The following ADARB1 variants were observed in gnomAD, a reference collection of about 807,000 sequenced individuals.
The protein encoded by ADARB1 is double-stranded RNA-specific editase 1.
Under a neutral mutation model 52.4 loss-of-function variants are expected in ADARB1, and 10 were observed. That is an observed-to-expected ratio of 0.19 (90% CI 0.12 to 0.32). The LOEUF is 0.32. ADARB1 is among the 10% of genes least tolerant of loss of function. ADARB1 has a pLI of 1.00. For missense variants in ADARB1, 643 were observed against 922.3 expected, an observed-to-expected ratio of 0.70 and a Z score of 3.92; for synonymous variants, 349 against 371.1, an observed-to-expected ratio of 0.94 and a Z score of 0.68.
chr21:45,109,255 G>A (rs1019807698), intron 1 of ADARB1, among the ~76,000 whole-genome samples: 20 of 89,972 alleles, frequency 2.2e-4, no homozygotes, highest in African/African-American at 6.1e-4. Flanking sequence ...GCGCGTGTGC[G>A]TATGTGTGTG....
chr21:45,093,641 G>C (rs1473391047), intron 1 of ADARB1, among the ~76,000 whole-genome samples: 1 of 152,224 alleles, frequency 6.6e-6, no homozygotes, highest in Non-Finnish European at 1.5e-5. Flanking sequence ...TGTGTGCCCG[G>C]AGGAGGCATG....
At chr21:45,158,818 A>G (rs2090807921) in intron 2 of ADARB1, among the ~76,000 whole-genome samples, 1 of 152,100 alleles carries the variant, frequency 6.6e-6, no homozygotes, top group African/African-American at 2.4e-5. Context: ...ATATCATGGA[A>G]AAGTGTGCCG....
At chr21:45,087,331 G>A (rs1447475804) in intron 1 of ADARB1, among the ~76,000 whole-genome samples, 1 of 152,230 alleles carries the variant, frequency 6.6e-6, no homozygotes, top group Non-Finnish European at 1.5e-5. Context: ...ATCCACTGTT[G>A]AGGATGACCT....
At position 45,182,732 on chromosome 21, in the gene ADARB1, C is replaced by G; in HGVS notation, c.1226C>G (p.Thr409Arg). The G allele has an allele frequency of 6.3e-7, 1 of 1,599,486 alleles. No homozygotes were observed. Among genetic ancestry groups the G allele is most frequent in the Non-Finnish European group, 8.5e-7 (1 of 1,175,174 alleles). The change falls in exon 6 of 11, where the codon ACA (threonine) becomes AGA (arginine). Residue 409 changes from threonine (T) to arginine (R), a missense_variant. Thr to Arg is a moderately conservative substitution (Grantham distance 71). This residue lies in a region of ADARB1 where 263 missense variants were observed against 475.8 expected (regional missense o/e 0.55). Coordinates refer to ENST00000348831, the MANE Select transcript of ADARB1 (RefSeq NM_001112.4). ...SRRSLLRFLY[T>R]QLELYLNNKD... ...AGATCCTTGCTCAGATTTCTTTATA[C>G]ACAACTTGAGCTTTACTTAAAGTAA...
intron 1 of ADARB1, among the ~76,000 whole-genome samples, chr21:45,113,620 A>G (rs1180241462): frequency 6.6e-6 from 1 of 151,892 alleles, no homozygotes; most frequent in Non-Finnish European, 1.5e-5. Context: ...GTGTCTGTAC[A>G]GCGTCACCTG....
chr21:45,077,533 G>A (rs557188926), intron 1 of ADARB1, among the ~76,000 whole-genome samples: 5 of 152,284 alleles, frequency 3.3e-5, no homozygotes, highest in African/African-American at 4.8e-5. Context: ...CGGGCATGGT[G>A]GTGGGCGCCT....
intron 2 of ADARB1, among the ~76,000 whole-genome samples, chr21:45,162,503 C>T (rs1367043822): frequency 1.3e-5 from 2 of 152,130 alleles, no homozygotes; most frequent in Admixed American, 6.5e-5. Context: ...GCCCAGCAGG[C>T]CCAAGCAAAA....
At chr21:45,099,083 CAT>C (rs1475518065) in intron 1 of ADARB1, among the ~76,000 whole-genome samples, 1 of 152,156 alleles carries the variant, frequency 6.6e-6, no homozygotes, top group East Asian at 1.9e-4. Context: ...TTAGAGGTGA[CAT>C]GTGATAGATG....
chr21:45,094,536 A>C (rs1227566807), intron 1 of ADARB1, among the ~76,000 whole-genome samples: 2 of 152,170 alleles, frequency 1.3e-5, no homozygotes, highest in African/African-American at 4.8e-5. Flanking sequence ...CCGCCAGATC[A>C]GGGAACATCC....
At chr21:45,164,094 A>G (rs1747230476) in intron 2 of ADARB1, among the ~76,000 whole-genome samples, 1 of 152,214 alleles carries the variant, frequency 6.6e-6, no homozygotes, top group Non-Finnish European at 1.5e-5. Context: ...TCTGGTGAAG[A>G]CCAACACATG....
Position 45,115,419 on chromosome 21 carries a change from C to T in ADARB1, c.-219-12983C>T, listed in dbSNP as rs796558715. On this transcript the variant is annotated intron_variant, in intron 1 of 10. Transcript: ENST00000348831. ...ACCTGCTTCCTCACGGGGCATTAGC[C>T]GGTCAGGGCGATGTCTCTGGATCAC... Among the ~76,000 whole-genome samples, 23 of 152,182 alleles carry T rather than the reference C, an allele frequency of 1.5e-4. 1 individual carries two copies. Among genetic ancestry groups the T allele is most frequent in the East Asian group, 5.8e-4 (3 of 5,198 alleles).
In ADARB1 at chr21:45,106,629, A is replaced by G. The variant is rs576693049; in HGVS notation, c.-219-21773A>G. On this transcript the variant is annotated intron_variant, in intron 1 of 10. Coordinates refer to ENST00000348831, the MANE Select transcript of ADARB1 (RefSeq NM_001112.4). The stretch of plus-strand genomic sequence containing the variant: ...TTAGCTCACTTTACTTTAATAAACC[A>G]TTTTTAGTGCTATCTATGATAGGGT... Among the ~76,000 whole-genome samples, 4 of 152,332 alleles carry G rather than the reference A, an allele frequency of 2.6e-5. No individual in the cohort carries two copies. In the East Asian group the frequency reaches 7.7e-4, roughly 29 times the overall value.
chr21:45,133,294 G>C (rs1028831876), intron 2 of ADARB1, among the ~76,000 whole-genome samples: 2 of 152,268 alleles, frequency 1.3e-5, no homozygotes, highest in African/African-American at 2.4e-5. Context: ...TGTGGCGCTT[G>C]GCTCCTGGAG....
At chr21:45,136,356 C>T (rs1474094845) in intron 2 of ADARB1, among the ~76,000 whole-genome samples, 3 of 152,180 alleles carry the variant, frequency 2.0e-5, no homozygotes, top group Admixed American at 6.5e-5. Context: ...CTTCCTCAGA[C>T]CTGGGGCCTC....
intron 2 of ADARB1, among the ~76,000 whole-genome samples, chr21:45,140,084 C>T (rs1439912552): frequency 2.0e-5 from 3 of 151,962 alleles, no homozygotes; most frequent in South Asian, 2.1e-4. Context: ...GCTGGGATTA[C>T]AGGCGCCCGC....
At chr21:45,089,374 G>C (rs894789593) in intron 1 of ADARB1, among the ~76,000 whole-genome samples, 4 of 152,166 alleles carry the variant, frequency 2.6e-5, no homozygotes, top group Admixed American at 1.3e-4. Flanking sequence ...TGGCAGAAAT[G>C]GCAGGACCAG....
chr21:45,202,015 G>T (rs1177570461), intron 8 of ADARB1, among the ~76,000 whole-genome samples: 1 of 152,164 alleles, frequency 6.6e-6, no homozygotes, highest in African/African-American at 2.4e-5. Flanking sequence ...ACAGGTGCAG[G>T]GTGAGAGGTG....
rs372770143 is a variant in ADARB1 at position 45,196,599 on chromosome 21, G to T, written c.1566-7956G>T. On this transcript the variant is annotated intron_variant, in intron 8 of 10. Transcript: ENST00000348831. ...TTTGCAAATCATATATCTAATAAAC[G>T]ATTGGTATCCACAATCCACTGTTAC... is the stretch of plus-strand genomic sequence containing the variant. Among the ~76,000 whole-genome samples the T allele has an allele frequency of 7.2e-4, 110 of 152,268 alleles. No individual in the cohort carries two copies. In the Middle Eastern group the frequency reaches 0.014, roughly 19 times the overall value.
chr21:45,094,568 G>A (rs576213147), intron 1 of ADARB1, among the ~76,000 whole-genome samples: 61 of 152,214 alleles, frequency 4.0e-4, no homozygotes, highest in African/African-American at 1.3e-3. Context: ...AAGCAGCCCC[G>A]AGCACTATGT....
Sources: gnomAD v4.1 joint callset for allele counts (sites outside exome capture counted in the v4.1 genomes callset) on GRCh38, gnomAD v4.1.1 for gene constraint, gnomAD v4.1.1 regional missense constraint, MANE v1.5 for transcripts, NCBI Gene and HGNC (gene_info 2026-07-23, HGNC 2026-07-21) for gene names.